LRMDA: variants seen among roughly 807,000 people sequenced by gnomAD.
The protein encoded by LRMDA is leucine rich melanocyte differentiation associated.
LRMDA carries 18 observed loss-of-function variants against 29.8 expected under a neutral mutation model. The observed-to-expected ratio is 0.60, with a 90% CI of 0.42 to 0.90. The LOEUF is 0.90. Ranked by LOEUF, LRMDA falls within the 40% of genes least tolerant of loss-of-function variation. LRMDA has a pLI of 0.00. For missense variants in LRMDA, 273 were observed against 273.9 expected, an observed-to-expected ratio of 1.00 and a Z score of 0.02; for synonymous variants, 125 against 109.4, an observed-to-expected ratio of 1.14 and a Z score of -0.89.
chr10:75,879,018 T>A (rs1056432829), intron 2 of LRMDA, among the ~76,000 whole-genome samples: 2 of 152,216 alleles, frequency 1.3e-5, no homozygotes, highest in Non-Finnish European at 2.9e-5. Flanking sequence ...CTAGGTCTGC[T>A]GTCTTGGACA....
intron 6 of LRMDA, among the ~76,000 whole-genome samples, chr10:76,502,324 G>C (rs1405832147): frequency 6.6e-6 from 1 of 151,906 alleles, no homozygotes; most frequent in Non-Finnish European, 1.5e-5. Context: ...TTTTGCTTAG[G>C]ATTGTTTTGG....
chr10:76,554,148 G>A (rs1843526529), intron 6 of LRMDA, among the ~76,000 whole-genome samples: 1 of 152,194 alleles, frequency 6.6e-6, no homozygotes. Flanking sequence ...ATGATGTCTG[G>A]GGAGAGATGT....
intron 2 of LRMDA, among the ~76,000 whole-genome samples, chr10:75,459,362 G>A (rs893951950): frequency 2.0e-5 from 3 of 152,244 alleles, no homozygotes; most frequent in Middle Eastern, 3.4e-3. Context: ...CTTGAGCCCA[G>A]GAGTTTTGAA....
At chr10:75,803,434 C>G (rs1843791795) in intron 2 of LRMDA, among the ~76,000 whole-genome samples, 1 of 152,200 alleles carries the variant, frequency 6.6e-6, no homozygotes, top group Non-Finnish European at 1.5e-5. Flanking sequence ...GCTGGGGTAA[C>G]AAGTCCTGCC....
intron 5 of LRMDA, among the ~76,000 whole-genome samples, chr10:76,242,978 C>T (rs553245565): frequency 6.6e-6 from 1 of 152,270 alleles, no homozygotes; most frequent in South Asian, 2.1e-4. Flanking sequence ...AGAGCAGACA[C>T]TTGAATAAGT....
In LRMDA at chr10:76,347,892, A is replaced by G. The variant is rs1841128271; in HGVS notation, c.601+23407A>G. 2.0e-5 allele frequency among the ~76,000 whole-genome samples: 3 copies of G among 152,306 alleles called. No individual in the cohort carries two copies. In the South Asian group the frequency reaches 6.2e-4, roughly 32 times the overall value. On this transcript the variant is annotated intron_variant, in intron 6 of 6. Coordinates refer to ENST00000611255, the MANE Select transcript of LRMDA (RefSeq NM_001305581.2). The stretch of plus-strand genomic sequence containing the variant: ...TTAACATTTGTTTTTTTACATATTA[A>G]ATGATCTGTAATATGTTGAAAATGA...
chr10:75,960,622 A>G (rs1225606661), intron 2 of LRMDA, among the ~76,000 whole-genome samples: 1 of 152,040 alleles, frequency 6.6e-6, no homozygotes, highest in Non-Finnish European at 1.5e-5. Context: ...ATTTTTATTT[A>G]TTTATTTTAG....
chr10:76,382,443 C>T (rs563054490), intron 6 of LRMDA, among the ~76,000 whole-genome samples: 8 of 152,228 alleles, frequency 5.3e-5, no homozygotes, highest in Non-Finnish European at 8.8e-5. Context: ...CACAGACATG[C>T]TGTCTGTTTC....
At chr10:75,807,954 C>T (rs867637010) in intron 2 of LRMDA, among the ~76,000 whole-genome samples, 42 of 152,076 alleles carry the variant, frequency 2.8e-4, no homozygotes, top group Non-Finnish European at 1.3e-4. Context: ...ACAATAAGAG[C>T]ATTTTTGTTG....
chr10:76,235,154 G>A (rs138118352), intron 5 of LRMDA, among the ~76,000 whole-genome samples: 96 of 152,178 alleles, frequency 6.3e-4, no homozygotes, highest in Non-Finnish European at 7.6e-4. Context: ...TTTCAATATC[G>A]TTGTGTCTCA....
chr10:75,935,401 G>T (rs762103943), intron 2 of LRMDA, among the ~76,000 whole-genome samples: 5 of 152,192 alleles, frequency 3.3e-5, no homozygotes, highest in Non-Finnish European at 7.3e-5. Flanking sequence ...CTGCAGACAG[G>T]CCCCTTTTAA....
intron 5 of LRMDA, among the ~76,000 whole-genome samples, chr10:76,287,839 A>ATG (rs1840291437): frequency 6.6e-6 from 1 of 152,200 alleles, no homozygotes; most frequent in African/African-American, 2.4e-5. Flanking sequence ...AGATCTAATA[A>ATG]GAACCTTAAT....
At chr10:75,451,169 T>G (rs1844456071) in intron 2 of LRMDA, 1 of 152,250 alleles carries the variant, frequency 6.6e-6, no homozygotes, top group Non-Finnish European at 1.5e-5. Flanking sequence ...ATGCTGCTGT[T>G]TAATTGATTC....
At chr10:76,242,650 C>T (rs542308760) in intron 5 of LRMDA, among the ~76,000 whole-genome samples, 2 of 152,302 alleles carry the variant, frequency 1.3e-5, no homozygotes, top group African/African-American at 4.8e-5. Context: ...GAGTTAAGGG[C>T]CAACCCTACT....
chr10:76,160,958 G>T (rs1434588724), intron 5 of LRMDA, among the ~76,000 whole-genome samples: 1 of 152,056 alleles, frequency 6.6e-6, no homozygotes, highest in African/African-American at 2.4e-5. Context: ...AGAGTGTGGG[G>T]GCCTGAAACA....
At chr10:75,508,448 C>G (rs955552032) in intron 2 of LRMDA, among the ~76,000 whole-genome samples, 1 of 152,146 alleles carries the variant, frequency 6.6e-6, no homozygotes, top group African/African-American at 2.4e-5. Context: ...TCTTAGTCAG[C>G]TCTAACTAAT....
At chr10:75,742,762 A>T (rs552045835) in intron 2 of LRMDA, 2 of 152,358 alleles carry the variant, frequency 1.3e-5, no homozygotes, top group South Asian at 4.1e-4. Context: ...AGAAACTTGC[A>T]AAAAGGATAC....
In LRMDA at chr10:75,750,529, C is replaced by T. The variant is rs532840279; in HGVS notation, c.132-285479C>T. 5.1e-4 allele frequency among the ~76,000 whole-genome samples: 65 copies of T among 128,578 alleles called. 1 individual carries two copies. In the South Asian group the frequency reaches 0.016, roughly 32 times the overall value. 84.4% of individuals were successfully genotyped at this position (128,578 alleles called of 152,430 possible). A position where few individuals can be genotyped will look rare whatever the true frequency, so the allele number is the denominator to read the frequency against. On this transcript the variant is annotated intron_variant, in intron 2 of 6. Coordinates refer to ENST00000611255, the MANE Select transcript of LRMDA (RefSeq NM_001305581.2). ...GGTCCTCACATCCCAGATGGGGCGG[C>T]GGGGCAGAGGCGCTCCCCACATCTC...
chr10:75,677,136 A>G (rs1841969502), intron 2 of LRMDA, among the ~76,000 whole-genome samples: 1 of 152,252 alleles, frequency 6.6e-6, no homozygotes, highest in African/African-American at 2.4e-5. Context: ...TTCCATGGGA[A>G]TAGGGCCAGT....
Sources: gnomAD v4.1 joint callset for allele counts (sites outside exome capture counted in the v4.1 genomes callset) on GRCh38, gnomAD v4.1.1 for gene constraint, MANE v1.5 for transcripts, NCBI Gene and HGNC (gene_info 2026-07-23, HGNC 2026-07-21) for gene names.